The following ATP13A4 variants were observed in gnomAD, a reference collection of about 807,000 sequenced individuals.
ATP13A4 encodes the protein ATPase 13A4, also known as probable cation-transporting ATPase 13A4.
Under a neutral mutation model 142.5 loss-of-function variants are expected in ATP13A4, and 114 were observed. That is an observed-to-expected ratio of 0.80 (90% CI 0.69 to 0.93). ATP13A4 has a LOEUF of 0.93. Among genes scored for constraint, ATP13A4 ranks in the 40% least tolerant of loss-of-function variants. ATP13A4 has a pLI of 0.00. For synonymous variants in ATP13A4, 488 were observed against 514.8 expected (o/e 0.95, Z 0.70); for missense variants, 1,392 against 1,454.0 (o/e 0.96, Z 0.69).
intron 1 of ATP13A4, among the ~76,000 whole-genome samples, chr3:193,540,195 G>A (rs575562646): frequency 8.5e-5 from 13 of 152,146 alleles, no homozygotes; most frequent in Non-Finnish European, 1.6e-4. Flanking sequence ...GCAGTTTGCT[G>A]CAAGAGCCCT....
intron 3 of ATP13A4, among the ~76,000 whole-genome samples, chr3:193,498,857 TATTATAGTC>T (rs1341523186): frequency 6.6e-6 from 1 of 152,228 alleles, no homozygotes. Context: ...TGTGCAAGAA[TATTATAGTC>T]ATTATAACCA....
intron 3 of ATP13A4, among the ~76,000 whole-genome samples, chr3:193,496,742 G>A (rs1720249748): frequency 6.6e-6 from 1 of 152,056 alleles, no homozygotes; most frequent in South Asian, 2.1e-4. Flanking sequence ...AGTAAGCCGA[G>A]ATCGTGCCAC....
rs140199527 is a variant in ATP13A4, at chr3:193,512,341, T to C, written c.234+2357A>G. Among the ~76,000 whole-genome samples, 387 of 152,302 alleles carry C rather than the reference T, an allele frequency of 2.5e-3. 5 individuals carry two copies. The highest frequency in any genetic ancestry group is 8.9e-3 in the African/African-American group (369 of 41,566). On this transcript the variant is annotated intron_variant, in intron 2 of 29. Transcript: ENST00000342695. ...GCTCTGAGCCCCAGAAAGCAAATTTTATCCCTGTCCTAGAAAGGCACTCAG... is the reference window on the plus strand; with the variant it reads ...GCTCTGAGCCCCAGAAAGCAAATTTCATCCCTGTCCTAGAAAGGCACTCAG...
chr3:193,465,051 C>G lies in ATP13A4; in HGVS notation c.1350G>C (p.Leu450=), dbSNP rs1449847832. The G allele has an allele frequency of 6.2e-7, 1 of 1,614,098 alleles. No individual in the cohort carries two copies. Among genetic ancestry groups the G allele is most frequent in the East Asian group, 2.2e-5 (1 of 44,872 alleles). ...IAVPPALPAA[L]TTGIIYAQRR... ...TCTGGGCATAGATAATGCCTGTGGT[C>G]AGAGCAGCAGGTAGAGCCGGAGGAA... Residue 450 remains leucine (L), a synonymous_variant, in exon 12 of 30, where the codon CTG becomes CTC. Transcript: ENST00000342695.
chr3:193,403,558 C>T (rs1263485662), intron 29 of ATP13A4, among the ~76,000 whole-genome samples: 1 of 152,240 alleles, frequency 6.6e-6, no homozygotes, highest in Non-Finnish European at 1.5e-5. Flanking sequence ...TAACAAATGG[C>T]TATGCACTGT....
chr3:193,560,939 T>C (rs1724004405), intron 2 of ATP13A4, among the ~76,000 whole-genome samples: 1 of 151,240 alleles, frequency 6.6e-6, no homozygotes, highest in African/African-American at 2.4e-5. Context: ...TACTTGGAAA[T>C]CCAGACAGGA....
Position 193,491,315 on chromosome 3 carries a change from G to A in ATP13A4, c.603+14C>T, listed in dbSNP as rs1226461219. ...TTTCTGTCCAACACCAAGAGAAAAT[G>A]CTGGAGAAATTACCTCCTTGATGAG... On this transcript the variant is annotated intron_variant, in intron 6 of 29. Transcript: ENST00000342695. 1 of 1,573,678 alleles carries A rather than the reference G, an allele frequency of 6.4e-7. No individual in the cohort carries two copies. Among genetic ancestry groups the A allele is most frequent in the Admixed American group, 1.7e-5 (1 of 59,948 alleles).
At chr3:193,561,990 C>G (rs986896130) in intron 2 of ATP13A4, among the ~76,000 whole-genome samples, 3 of 152,196 alleles carry the variant, frequency 2.0e-5, no homozygotes, top group Non-Finnish European at 4.4e-5. Flanking sequence ...TTTCATCCAG[C>G]CTTTCTCTGG....
chr3:193,547,058 A>G (rs1449988557), intron 1 of ATP13A4, among the ~76,000 whole-genome samples: 3 of 152,210 alleles, frequency 2.0e-5, no homozygotes, highest in African/African-American at 7.2e-5. Context: ...AACCTTAGAG[A>G]CATCCTTAAT....
At chr3:193,418,635 A>ACCCCAGCAGC (rs1715242317) in intron 25 of ATP13A4, among the ~76,000 whole-genome samples, 1 of 149,510 alleles carries the variant, frequency 6.7e-6, no homozygotes, top group African/African-American at 2.5e-5. Flanking sequence ...AAGCAAGAGG[A>ACCCCAGCAGC]CCCCAGCAGC....
At chr3:193,586,955 A>C (rs1327735244) in intron 1 of ATP13A4, among the ~76,000 whole-genome samples, 1 of 152,224 alleles carries the variant, frequency 6.6e-6, no homozygotes, top group Non-Finnish European at 1.5e-5. Flanking sequence ...TGAGTCTTCT[A>C]TTCCAGGAAC....
At chr3:193,409,051 A>C (rs1469866784) in intron 28 of ATP13A4, among the ~76,000 whole-genome samples, 1 of 152,244 alleles carries the variant, frequency 6.6e-6, no homozygotes, top group Non-Finnish European at 1.5e-5. Flanking sequence ...GGTTACCTCC[A>C]GGGAGAGGAA....
rs766462061 is a variant in ATP13A4 at position 193,492,881 on chromosome 3, C to A, written c.533+36G>T. ...TCTATTTGGCTAACTGATAATAATC[C>A]TTTTGAGCTAGTATAGGCAATAATA... is the stretch of plus-strand genomic sequence containing the variant. On this transcript the variant is annotated intron_variant, in intron 5 of 29. Transcript: ENST00000342695. 1.7e-5 allele frequency: 26 copies of A among 1,485,770 alleles called. No homozygotes were observed. In the South Asian group the frequency reaches 2.0e-4, roughly 12 times the overall value. The allele number at this position is 1,485,770 out of a possible 1,614,324, so 92.0% of individuals were successfully genotyped here. A position where few individuals can be genotyped will look rare whatever the true frequency, so the allele number is the denominator to read the frequency against.
intron 29 of ATP13A4, chr3:193,404,033 G>T (rs1714374171): frequency 2.0e-6 from 2 of 985,362 alleles, no homozygotes; most frequent in Non-Finnish European, 2.4e-6. Context: ...CCATCTGCTG[G>T]CTGCGGGGCT....
intron 17 of ATP13A4, among the ~76,000 whole-genome samples, chr3:193,449,072 C>T (rs1717122680): frequency 2.0e-5 from 3 of 152,186 alleles, no homozygotes. Flanking sequence ...GATATGAGGT[C>T]ATAATCTCAA....
chr3:193,458,972 C>A, intron 14 of ATP13A4, 109 bp downstream of exon 14: 1 of 1,484,432 alleles, frequency 6.7e-7, no homozygotes, highest in Non-Finnish European at 9.4e-7. Flanking sequence ...ACCAAATGTA[C>A]TCCACATTGG....
rs1716471568 is a variant in ATP13A4 at position 193,439,083 on chromosome 3, T to A, written c.2520-18A>T. On this transcript the variant is annotated intron_variant, in intron 21 of 29. Coordinates refer to ENST00000342695, the MANE Select transcript of ATP13A4 (RefSeq NM_032279.4). ...CAAAGTAACTAAGAGGGAACCACAT[T>A]AATTGTAGATGAGATCAAACCTATC... 4 of 1,587,990 alleles carry A rather than the reference T, an allele frequency of 2.5e-6. No individual in the cohort carries two copies. The highest frequency in any genetic ancestry group is 3.5e-6 in the Non-Finnish European group (4 of 1,156,236).
At chr3:193,571,423 T>C (rs992890753) in intron 2 of ATP13A4, among the ~76,000 whole-genome samples, 1 of 152,274 alleles carries the variant, frequency 6.6e-6, no homozygotes, top group Middle Eastern at 3.4e-3. Context: ...GCTACATAAC[T>C]ATTCACTCCT....
In ATP13A4 at chr3:193,489,859, T is replaced by C. The variant is rs746129202; in HGVS notation, c.609A>G (p.Leu203=). 8 of 1,612,934 alleles carry C rather than the reference T, an allele frequency of 5.0e-6. No individual in the cohort carries two copies. The highest frequency in any genetic ancestry group is 1.1e-5 in the South Asian group (1 of 91,038). ...PIWKLLIKEV[L]NPFYIFQLFS... Reference sequence around the variant, plus strand: ...AGAGTTGAAATATATAAAATGGATTTAGAACCTGTTGGCAGACATAAAAAC... The same window carrying C: ...AGAGTTGAAATATATAAAATGGATTCAGAACCTGTTGGCAGACATAAAAAC... Residue 203 remains leucine (L), a synonymous_variant, in exon 7 of 30, where the codon CTA becomes CTG. Transcript: ENST00000342695.
Sources: gnomAD v4.1 joint callset for allele counts (sites outside exome capture counted in the v4.1 genomes callset) on GRCh38, gnomAD v4.1.1 for gene constraint, MANE v1.5 for transcripts, NCBI Gene and HGNC (gene_info 2026-07-23, HGNC 2026-07-21) for gene names.